Variants in LRP1B observed in about 807,000 individuals in gnomAD.
LRP1B encodes the protein LDL receptor related protein 1B.
LRP1B carries 217 observed loss-of-function variants against 556.6 expected under a neutral mutation model. The ratio of observed to expected loss-of-function variants is 0.39; its 90% confidence interval spans 0.35 to 0.44. LRP1B has a LOEUF of 0.44. LRP1B is among the 20% of genes least tolerant of loss of function. The pLI is 1.00. For synonymous variants in LRP1B, 2,047 were observed against 1,865.8 expected (o/e 1.10, Z -2.50); for missense variants, 5,053 against 5,620.8 (o/e 0.90, Z 3.23).
At chr2:141,002,801 G>A (rs1697463629) in intron 15 of LRP1B, among the ~76,000 whole-genome samples, 1 of 151,944 alleles carries the variant, frequency 6.6e-6, no homozygotes, top group African/African-American at 2.4e-5. Flanking sequence ...TACAAGTAGT[G>A]AAACAGTGAT....
At chr2:141,358,492 C>A (rs529163424) in intron 3 of LRP1B, among the ~76,000 whole-genome samples, 2 of 152,248 alleles carry the variant, frequency 1.3e-5, no homozygotes, top group South Asian at 2.1e-4. Context: ...AGGTGAGATA[C>A]CCTGAAAGGA....
intron 43 of LRP1B, among the ~76,000 whole-genome samples, chr2:140,554,163 A>G (rs1183831510): frequency 6.6e-6 from 1 of 152,112 alleles, no homozygotes; most frequent in Non-Finnish European, 1.5e-5. Flanking sequence ...TGAAAAATCA[A>G]TGGCTCACCT....
intron 1 of LRP1B, among the ~76,000 whole-genome samples, chr2:141,918,052 A>T (rs2104966770): frequency 6.6e-6 from 1 of 152,196 alleles, no homozygotes; most frequent in South Asian, 2.1e-4. Context: ...TATAAATGAA[A>T]ATGGCAATAA....
chr2:140,918,352 A>C (rs2105250457), intron 21 of LRP1B, among the ~76,000 whole-genome samples: 1 of 152,172 alleles, frequency 6.6e-6, no homozygotes, highest in Admixed American at 6.6e-5. Flanking sequence ...GTATTGGTTT[A>C]AGTTTATTAA....
chr2:141,722,729 C>CATAGATAGATAGATAG lies in LRP1B; in HGVS notation c.205+87534_205+87549dup, dbSNP rs58081113. Among the ~76,000 whole-genome samples, 105 of 146,090 alleles carry CATAGATAGATAGATAG rather than the reference C, an allele frequency of 7.2e-4. 2 individuals carry two copies. The highest frequency in any genetic ancestry group is 8.5e-4 in the African/African-American group (33 of 38,936). On this transcript the variant is annotated intron_variant, in intron 2 of 90. Transcript: ENST00000389484. ...AGACAGATAGACAGGCAGATAGATA[C>CATAGATAGATAGATAG]ATAGATAGATAGATAGATAGATAGA... is the stretch of plus-strand genomic sequence containing the variant.
At chr2:140,705,634 A>T (rs995603148) in intron 37 of LRP1B, among the ~76,000 whole-genome samples, 1 of 151,310 alleles carries the variant, frequency 6.6e-6, no homozygotes, top group Non-Finnish European at 1.5e-5. Flanking sequence ...TTTTTTTCCA[A>T]GTAACCCCTA....
At chr2:140,404,633 T>C (rs1291045376) in intron 66 of LRP1B, among the ~76,000 whole-genome samples, 1 of 152,154 alleles carries the variant, frequency 6.6e-6, no homozygotes, top group Non-Finnish European at 1.5e-5. Flanking sequence ...AGATATAGAA[T>C]GGAAGAATAG....
At chr2:140,853,544 A>C (rs1692523701) in intron 27 of LRP1B, among the ~76,000 whole-genome samples, 1 of 152,176 alleles carries the variant, frequency 6.6e-6, no homozygotes, top group African/African-American at 2.4e-5. Flanking sequence ...TAAAACACAA[A>C]GAATAAAAAA....
At chr2:141,305,859 C>A (rs1474718198) in intron 3 of LRP1B, among the ~76,000 whole-genome samples, 1 of 152,016 alleles carries the variant, frequency 6.6e-6, no homozygotes, top group Non-Finnish European at 1.5e-5. Context: ...TAGTTTTTGC[C>A]CTTCATTCTG....
chr2:141,928,390 T>C (rs561063725), intron 1 of LRP1B, among the ~76,000 whole-genome samples: 1 of 152,206 alleles, frequency 6.6e-6, no homozygotes, highest in East Asian at 1.9e-4. Context: ...ATATGAAAAA[T>C]AAAACCTGTA....
chr2:141,902,351 A>G (rs1397159105), intron 1 of LRP1B, among the ~76,000 whole-genome samples: 1 of 151,962 alleles, frequency 6.6e-6, no homozygotes, highest in Non-Finnish European at 1.5e-5. Flanking sequence ...CTCCTGAAGT[A>G]GCATGTATAT....
At chr2:140,999,334 G>T (rs1477119424) in intron 15 of LRP1B, among the ~76,000 whole-genome samples, 1 of 151,990 alleles carries the variant, frequency 6.6e-6, no homozygotes, top group African/African-American at 2.4e-5. Flanking sequence ...CTAGTGCAAT[G>T]AGTATAGACA....
At chr2:141,275,482 G>A (rs567985543) in intron 3 of LRP1B, among the ~76,000 whole-genome samples, 1 of 152,280 alleles carries the variant, frequency 6.6e-6, no homozygotes, top group South Asian at 2.1e-4. Context: ...GCCAAGGCGA[G>A]TGAATTGCTT....
chr2:141,210,810 TAAAC>T (rs1682507757), intron 6 of LRP1B, among the ~76,000 whole-genome samples: 2 of 152,068 alleles, frequency 1.3e-5, no homozygotes, highest in Non-Finnish European at 2.9e-5. Context: ...GTGCATAGAA[TAAAC>T]AAACACAAGC....
intron 22 of LRP1B, among the ~76,000 whole-genome samples, chr2:140,906,912 A>G (rs1443759306): frequency 1.3e-5 from 2 of 151,206 alleles, no homozygotes; most frequent in Non-Finnish European, 2.9e-5. Flanking sequence ...TGTTGCATTC[A>G]CTGTTTCAAG....
chr2:141,902,769 T>C (rs190118002), intron 1 of LRP1B, among the ~76,000 whole-genome samples: 26 of 152,102 alleles, frequency 1.7e-4, no homozygotes, highest in African/African-American at 5.5e-4. Context: ...ACAATATTTA[T>C]TAAAGGAAAA....
chr2:140,570,432 G>A (rs769868488), intron 43 of LRP1B, among the ~76,000 whole-genome samples: 1 of 151,074 alleles, frequency 6.6e-6, no homozygotes, highest in Non-Finnish European at 1.5e-5. Context: ...TAACAGAAAG[G>A]GATACATTTA....
chr2:141,248,604 G>C (rs1231123834), intron 4 of LRP1B, among the ~76,000 whole-genome samples: 2 of 152,156 alleles, frequency 1.3e-5, no homozygotes, highest in Admixed American at 6.6e-5. Flanking sequence ...AATGAAGCAA[G>C]GGTGTGTGAA....
At chr2:140,683,668 T>A (rs1174572605) in intron 41 of LRP1B, 24 of 700,824 alleles carry the variant, frequency 3.4e-5, no homozygotes, top group Admixed American at 1.3e-4. Flanking sequence ...TTACAGCAAA[T>A]CTTCAGAATG....
Sources: allele counts gnomAD v4.1 joint callset (sites outside exome capture counted in the v4.1 genomes callset), GRCh38; gene constraint gnomAD v4.1.1; transcripts MANE v1.5; gene names NCBI Gene and HGNC (gene_info 2026-07-23, HGNC 2026-07-21).